FREM3: variants seen among roughly 807,000 people sequenced by gnomAD.
FREM3 encodes FRAS1 related extracellular matrix 3, also known as FRAS1-related extracellular matrix protein 3.
In FREM3, 105 loss-of-function variants were observed where a neutral mutation model predicts 129.1. The observed-to-expected ratio is 0.81, with a 90% CI of 0.69 to 0.96. The LOEUF is 0.96. Among genes scored for constraint, FREM3 ranks in the 40% least tolerant of loss-of-function variants. The probability of loss-of-function intolerance (pLI) is 0.00; values close to 1 mark genes in which losing one functional copy is unlikely to be tolerated. For missense variants in FREM3, 2,593 were observed against 2,666.3 expected, an observed-to-expected ratio of 0.97 and a Z score of 0.61; for synonymous variants, 1,014 against 1,044.9, an observed-to-expected ratio of 0.97 and a Z score of 0.57.
chr4:143,658,762 C>A (rs1190562628), intron 2 of FREM3, among the ~76,000 whole-genome samples: 1 of 152,144 alleles, frequency 6.6e-6, no homozygotes, highest in Non-Finnish European at 1.5e-5. Context: ...ATGTGTGGCC[C>A]AAGACAATTC....
intron 6 of FREM3, among the ~76,000 whole-genome samples, chr4:143,605,225 C>T (rs1738648270): frequency 6.6e-6 from 1 of 152,030 alleles, no homozygotes; most frequent in Non-Finnish European, 1.5e-5. Context: ...GAAATTTTCT[C>T]AAGTTCTCTT....
At chr4:143,670,754 A>G (rs1028196026) in intron 2 of FREM3, among the ~76,000 whole-genome samples, 2 of 152,158 alleles carry the variant, frequency 1.3e-5, no homozygotes, top group African/African-American at 2.4e-5. Context: ...TTTTCTTTCC[A>G]AAATAGTTTT....
intron 6 of FREM3, among the ~76,000 whole-genome samples, chr4:143,597,028 C>T (rs1029660535): frequency 4.6e-5 from 7 of 152,016 alleles, no homozygotes; most frequent in Admixed American, 2.0e-4. Context: ...ATGGTATGAT[C>T]GTCTACTATG....
chr4:143,664,502 G>T (rs1166140858), intron 2 of FREM3, among the ~76,000 whole-genome samples: 1 of 152,130 alleles, frequency 6.6e-6, no homozygotes, highest in Non-Finnish European at 1.5e-5. Context: ...CCTACTGGGG[G>T]ATGCCTCCCA....
intron 2 of FREM3, among the ~76,000 whole-genome samples, chr4:143,628,037 T>G (rs1027846772): frequency 2.0e-5 from 3 of 152,072 alleles, no homozygotes; most frequent in African/African-American, 7.2e-5. Context: ...GAGCCAGAGC[T>G]TGGTAGTTTT....
chr4:143,679,353 T>A (rs1740209159), intron 2 of FREM3, among the ~76,000 whole-genome samples: 1 of 152,176 alleles, frequency 6.6e-6, no homozygotes, highest in Non-Finnish European at 1.5e-5. Flanking sequence ...TTGGATGGTG[T>A]GAAAAAGTGT....
chr4:143,592,617 G>C (rs972713899), intron 6 of FREM3, among the ~76,000 whole-genome samples: 1 of 152,186 alleles, frequency 6.6e-6, no homozygotes, highest in Non-Finnish European at 1.5e-5. Context: ...TCAGCAGTTA[G>C]TCTGATGGGC....
intron 1 of FREM3, among the ~76,000 whole-genome samples, chr4:143,694,372 T>C (rs182639494): frequency 2.2e-4 from 34 of 152,316 alleles, no homozygotes; most frequent in Admixed American, 1.6e-3. Flanking sequence ...TAAACAAGAA[T>C]AATTACTGCA....
intron 2 of FREM3, among the ~76,000 whole-genome samples, chr4:143,665,561 T>C (rs1376365959): frequency 6.6e-6 from 1 of 152,122 alleles, no homozygotes; most frequent in African/African-American, 2.4e-5. Context: ...CTTTACATAT[T>C]GAGGACAATC....
intron 2 of FREM3, among the ~76,000 whole-genome samples, chr4:143,675,264 A>T (rs534743582): frequency 1.3e-5 from 2 of 152,280 alleles, no homozygotes; most frequent in Admixed American, 1.3e-4. Context: ...CTACATGGAA[A>T]CTGAACAACC....
intron 6 of FREM3, among the ~76,000 whole-genome samples, chr4:143,609,279 T>TATTA (rs1443155667): frequency 1.3e-5 from 2 of 152,168 alleles, no homozygotes; most frequent in African/African-American, 4.8e-5. Context: ...TATTACTAGC[T>TATTA]CCAGTAGAGA....
In FREM3 at chr4:143,624,481, T is replaced by C. The variant is rs1013076484; in HGVS notation, c.5423-143A>G. The C allele has an allele frequency of 8.2e-6, 5 of 612,866 alleles. No individual in the cohort carries two copies. The African/African-American group carries it at 9.2e-5, about 11-fold the overall frequency. The allele number at this position is 612,866 out of a possible 1,614,324, so 38.0% of individuals were successfully genotyped here. A position where few individuals can be genotyped will look rare whatever the true frequency, so the allele number is the denominator to read the frequency against. On this transcript the variant is annotated intron_variant, in intron 3 of 7. Coordinates refer to ENST00000329798, the MANE Select transcript of FREM3 (RefSeq NM_001168235.2). ...GCTCCCAAAAGACACTTGTAAATGATCTTTCTTGGCTAAGAGAGTGTAAGT... is the reference window on the plus strand; with the variant it reads ...GCTCCCAAAAGACACTTGTAAATGACCTTTCTTGGCTAAGAGAGTGTAAGT...
At position 143,656,745 on chromosome 4, in the gene FREM3, G is replaced by T. The variant is rs998398673; in HGVS notation, c.5276-28985C>A. 4.6e-5 allele frequency among the ~76,000 whole-genome samples: 7 copies of T among 152,144 alleles called. No individual in the cohort carries two copies. The South Asian group carries it at 1.4e-3, about 31-fold the overall frequency. On this transcript the variant is annotated intron_variant, in intron 2 of 7. Coordinates refer to ENST00000329798, the MANE Select transcript of FREM3 (RefSeq NM_001168235.2). Reference sequence around the variant, plus strand: ...CTACAATTAGATTGTGGTGATGGTTGCATAATCCTGTGAATATACTAAAAA... The same window carrying T: ...CTACAATTAGATTGTGGTGATGGTTTCATAATCCTGTGAATATACTAAAAA...
intron 6 of FREM3, among the ~76,000 whole-genome samples, chr4:143,590,535 T>G (rs534844311): frequency 6.6e-6 from 1 of 152,330 alleles, no homozygotes; most frequent in African/African-American, 2.4e-5. Context: ...TATGCTGGAT[T>G]ACGTTTATTG....
chr4:143,605,521 A>G lies in FREM3; in HGVS notation c.6028+5758T>C, dbSNP rs535587408. Among the ~76,000 whole-genome samples the G allele has an allele frequency of 1.2e-3, 183 of 152,224 alleles. 1 individual carries two copies. Among genetic ancestry groups the G allele is most frequent in the South Asian group, 5.2e-3 (25 of 4,826 alleles). ...TTTGGAATTTACTTAGTGTTATTCT[A>G]TTGTTTCAGTGGCCACTATGATTCG... On this transcript the variant is annotated intron_variant, in intron 6 of 7. Transcript: ENST00000329798.
chr4:143,650,715 C>G (rs1231846093), intron 2 of FREM3, among the ~76,000 whole-genome samples: 1 of 152,204 alleles, frequency 6.6e-6, no homozygotes, highest in Non-Finnish European at 1.5e-5. Flanking sequence ...TGATCTTGAA[C>G]TGCTGGCCTT....
chr4:143,700,599 C>A lies in FREM3; in HGVS notation c.77G>T (p.Arg26Leu), dbSNP rs1308956484. The A allele has an allele frequency of 1.4e-6, 2 of 1,471,276 alleles. No homozygotes were observed. The highest frequency in any genetic ancestry group is 2.8e-5 in the African/African-American group (2 of 70,796). The allele number at this position is 1,471,276 out of a possible 1,614,324, so 91.1% of individuals were successfully genotyped here. A position where few individuals can be genotyped will look rare whatever the true frequency, so the allele number is the denominator to read the frequency against. The change falls in exon 1 of 8, where the codon CGC (arginine) becomes CTC (leucine). Residue 26 changes from arginine (R) to leucine (L), a missense_variant. This residue lies in a region of FREM3 where 2,276 missense variants were observed against 2,267.2 expected (regional missense o/e 1.00). Transcript: ENST00000329798. ...LVALACLLLSRPALQGRASSL... is the reference protein window; with the variant it reads ...LVALACLLLSLPALQGRASSL... ...GGATGCCCGTCCCTGCAGCGCGGGG[C>A]GACTCAAGAGCAGGCAGGCGAGCGC...
intron 6 of FREM3, 74 bp downstream of exon 6, chr4:143,611,205 T>C (rs1317042149): frequency 3.5e-6 from 5 of 1,430,212 alleles, no homozygotes; most frequent in Non-Finnish European, 4.7e-6. Flanking sequence ...AAGCTACATT[T>C]GCCTTTCAAC....
At chr4:143,594,783 G>A (rs1178091560) in intron 6 of FREM3, among the ~76,000 whole-genome samples, 5 of 152,182 alleles carry the variant, frequency 3.3e-5, no homozygotes, top group African/African-American at 9.7e-5. Context: ...AGATGCTCTA[G>A]GTATTGAGCA....
Sources: allele counts gnomAD v4.1 joint callset (sites outside exome capture counted in the v4.1 genomes callset), GRCh38; gene constraint gnomAD v4.1.1; regional missense constraint gnomAD v4.1.1; transcripts MANE v1.5; gene names NCBI Gene and HGNC (gene_info 2026-07-23, HGNC 2026-07-21).